WWOX: variants seen among roughly 807,000 people sequenced by gnomAD.
WWOX encodes the protein WW domain containing oxidoreductase, also known as WW domain-containing oxidoreductase.
A neutral mutation model predicts 46.2 loss-of-function variants in WWOX; 69 were observed. The observed-to-expected ratio is 1.49, with a 90% CI of 1.23 to 1.82. The LOEUF is 1.82. Ranked by LOEUF, WWOX falls within the 40% of genes most tolerant of loss-of-function variation. The probability of loss-of-function intolerance (pLI) is 0.00; values close to 1 mark genes in which losing one functional copy is unlikely to be tolerated. For missense variants in WWOX, 919 were observed against 542.6 expected, an observed-to-expected ratio of 1.69 and a Z score of -6.89; for synonymous variants, 359 against 202.6, an observed-to-expected ratio of 1.77 and a Z score of -6.56.
At chr16:78,898,684 A>G (rs1028174597) in intron 8 of WWOX, 3 of 152,040 alleles carry the variant, frequency 2.0e-5, no homozygotes, top group African/African-American at 7.2e-5. Context: ...TTGGTATTGA[A>G]TCTCTTGATC....
chr16:78,401,567 T>G lies in WWOX; in HGVS notation c.605+14619T>G, dbSNP rs1245062239. ...TTAGGGGAAAGAGTCTGGAGAGACC[T>G]TAAGTCTGCTTTAGGGAAAGGGTGA... On this transcript the variant is annotated intron_variant, in intron 6 of 8. Transcript: ENST00000566780. Among the ~76,000 whole-genome samples, 5 of 152,188 alleles carry G rather than the reference T, an allele frequency of 3.3e-5. No homozygotes were observed. In the East Asian group the frequency reaches 5.8e-4, roughly 18 times the overall value.
intron 7 of WWOX, among the ~76,000 whole-genome samples, chr16:78,428,553 G>C (rs1475645361): frequency 3.3e-5 from 5 of 152,174 alleles, no homozygotes; most frequent in Non-Finnish European, 7.3e-5. Flanking sequence ...TCCTGGTTTT[G>C]TCTAATTTGT....
chr16:78,117,802 A>G (rs1022955662), intron 4 of WWOX, among the ~76,000 whole-genome samples: 5 of 152,092 alleles, frequency 3.3e-5, no homozygotes, highest in African/African-American at 1.2e-4. Context: ...CTAAGCTTTA[A>G]TGGTGTTGGT....
chr16:79,114,540 C>A (rs2049476165), intron 8 of WWOX, among the ~76,000 whole-genome samples: 1 of 151,908 alleles, frequency 6.6e-6, no homozygotes, highest in Non-Finnish European at 1.5e-5. Context: ...TGCCATCCAC[C>A]ACCAGGAGCT....
chr16:79,176,810 A>G (rs1037251828), intron 8 of WWOX, among the ~76,000 whole-genome samples: 4 of 152,288 alleles, frequency 2.6e-5, no homozygotes, highest in African/African-American at 9.6e-5. Flanking sequence ...TAAGGCAAAA[A>G]GACCCCTGGA....
intron 8 of WWOX, among the ~76,000 whole-genome samples, chr16:78,563,248 C>A (rs1408136311): frequency 6.6e-6 from 1 of 152,082 alleles, no homozygotes; most frequent in Non-Finnish European, 1.5e-5. Context: ...ACAATACTTT[C>A]CTTTCAGTCT....
chr16:78,337,365 A>G (rs1203659562), intron 5 of WWOX, among the ~76,000 whole-genome samples: 1 of 152,230 alleles, frequency 6.6e-6, no homozygotes, highest in African/African-American at 2.4e-5. Flanking sequence ...GCAATTGAGC[A>G]TATAGTACAT....
At chr16:78,902,381 C>T (rs1043009450) in intron 8 of WWOX, among the ~76,000 whole-genome samples, 3 of 152,212 alleles carry the variant, frequency 2.0e-5, no homozygotes, top group Admixed American at 6.5e-5. Context: ...TTAATTACCT[C>T]AAGGACAAGG....
chr16:79,080,944 C>T (rs922982100), intron 8 of WWOX, among the ~76,000 whole-genome samples: 7 of 152,172 alleles, frequency 4.6e-5, no homozygotes, highest in South Asian at 2.1e-4. Context: ...CAAGTGAATT[C>T]TTCTAGTGTA....
intron 8 of WWOX, among the ~76,000 whole-genome samples, chr16:78,867,631 C>T (rs141163626): frequency 3.9e-5 from 6 of 152,006 alleles, no homozygotes; most frequent in African/African-American, 1.4e-4. Context: ...ACTACAACAT[C>T]CCAGGTTCAA....
At chr16:78,573,977 G>A (rs1037624831) in intron 8 of WWOX, among the ~76,000 whole-genome samples, 1 of 152,218 alleles carries the variant, frequency 6.6e-6, no homozygotes, top group Non-Finnish European at 1.5e-5. Flanking sequence ...TGGCCAGGGT[G>A]TGTTCTAATT....
At chr16:78,516,973 C>G (rs976457190) in intron 8 of WWOX, among the ~76,000 whole-genome samples, 4 of 152,158 alleles carry the variant, frequency 2.6e-5, no homozygotes, top group Admixed American at 6.5e-5. Context: ...CCCGAGAAAT[C>G]ATTTTTCCTC....
intron 8 of WWOX, among the ~76,000 whole-genome samples, chr16:78,981,569 C>T (rs1286076816): frequency 1.3e-5 from 2 of 151,976 alleles, no homozygotes; most frequent in African/African-American, 4.8e-5. Context: ...TCCCAAGTAG[C>T]TGGGAGTAAA....
In WWOX at chr16:78,536,135, C is replaced by T. The variant is rs568449304; in HGVS notation, c.1056+103383C>T. ...ATTAAGTGTTCCCTCCTATTATATC[C>T]TTAGGTTTAAGATACAGGCACCACA... On this transcript the variant is annotated intron_variant, in intron 8 of 8. Coordinates refer to ENST00000566780, the MANE Select transcript of WWOX (RefSeq NM_016373.4). 3.3e-5 allele frequency among the ~76,000 whole-genome samples: 5 copies of T among 152,222 alleles called. No homozygotes were observed. In the East Asian group the frequency reaches 7.7e-4, roughly 24 times the overall value.
chr16:79,198,885 G>A (rs1425045847), intron 8 of WWOX, among the ~76,000 whole-genome samples: 1 of 152,206 alleles, frequency 6.6e-6, no homozygotes, highest in Non-Finnish European at 1.5e-5. Context: ...ATCCTGACCT[G>A]AAGGTGTGCT....
intron 5 of WWOX, among the ~76,000 whole-genome samples, chr16:78,223,233 A>G (rs1482314438): frequency 2.0e-5 from 3 of 152,144 alleles, no homozygotes; most frequent in African/African-American, 7.2e-5. Flanking sequence ...TTGGGTTGTC[A>G]TATCTTGGAG....
intron 8 of WWOX, among the ~76,000 whole-genome samples, chr16:78,939,208 G>T (rs2045803354): frequency 6.6e-6 from 1 of 152,084 alleles, no homozygotes; most frequent in Non-Finnish European, 1.5e-5. Flanking sequence ...TATATTCATG[G>T]AGCATCTTCT....
intron 6 of WWOX, among the ~76,000 whole-genome samples, chr16:78,402,927 C>T (rs567176726): frequency 2.0e-5 from 3 of 152,184 alleles, no homozygotes; most frequent in African/African-American, 7.2e-5. Flanking sequence ...GTGCCATTCT[C>T]CAGCAAGGTT....
chr16:78,184,914 T>A (rs554671925), intron 5 of WWOX, among the ~76,000 whole-genome samples: 114 of 152,258 alleles, frequency 7.5e-4, no homozygotes, highest in African/African-American at 2.6e-3. Context: ...ACAACAAAGG[T>A]TTATTTCTTG....
Sources: allele counts gnomAD v4.1 joint callset (sites outside exome capture counted in the v4.1 genomes callset), GRCh38; gene constraint gnomAD v4.1.1; transcripts MANE v1.5; gene names NCBI Gene and HGNC (gene_info 2026-07-23, HGNC 2026-07-21).